Variants in KIRREL1 observed in about 807,000 individuals in gnomAD.
KIRREL1 encodes the protein kirre like nephrin family adhesion molecule 1, also known as kin of IRRE-like protein 1.
In KIRREL1, 25 loss-of-function variants were observed where a neutral mutation model predicts 83.3. The ratio of observed to expected loss-of-function variants is 0.30; its 90% CI spans 0.22 to 0.42. The LOEUF is 0.42. Ranked by LOEUF, KIRREL1 falls within the 10% of genes least tolerant of loss-of-function variation. The pLI, the probability that KIRREL1 is intolerant of heterozygous loss-of-function variation, is 1.00. For synonymous variants in KIRREL1, 388 were observed against 410.4 expected, an observed-to-expected ratio of 0.95 and a Z score of 0.66; for missense variants, 812 against 1,032.3, an observed-to-expected ratio of 0.79 and a Z score of 2.92.
intron 1 of KIRREL1, among the ~76,000 whole-genome samples, chr1:158,064,177 C>T (rs1052992422): frequency 6.6e-6 from 1 of 152,090 alleles, no homozygotes; most frequent in Non-Finnish European, 1.5e-5. Flanking sequence ...GCCATCTATT[C>T]GTCTGGAAAA....
At chr1:158,014,514 C>G (rs1472521154) in intron 1 of KIRREL1, among the ~76,000 whole-genome samples, 1 of 152,092 alleles carries the variant, frequency 6.6e-6, no homozygotes, top group Non-Finnish European at 1.5e-5. Context: ...ACTCCTTCCC[C>G]TCACTCACAA....
At chr1:158,090,182 C>T (rs905584895) in intron 10 of KIRREL1, among the ~76,000 whole-genome samples, 4 of 152,022 alleles carry the variant, frequency 2.6e-5, no homozygotes, top group African/African-American at 9.7e-5. Flanking sequence ...GCTAACACTT[C>T]CCCTCTTTTC....
intron 1 of KIRREL1, among the ~76,000 whole-genome samples, chr1:158,044,647 C>T (rs542852229): frequency 2.0e-5 from 3 of 152,172 alleles, no homozygotes; most frequent in African/African-American, 4.8e-5. Context: ...TACAGGCATG[C>T]GCCACCATGC....
chr1:158,024,783 G>A (rs765852083), intron 1 of KIRREL1, among the ~76,000 whole-genome samples: 1 of 152,132 alleles, frequency 6.6e-6, no homozygotes, highest in African/African-American at 2.4e-5. Flanking sequence ...AGTTCCCCAG[G>A]GTCCACCCTG....
chr1:158,062,700 T>C (rs1486488891), intron 1 of KIRREL1, among the ~76,000 whole-genome samples: 1 of 152,098 alleles, frequency 6.6e-6, no homozygotes. Flanking sequence ...GACACATGTG[T>C]CCCCCCTTGC....
chr1:158,000,779 A>G (rs1659339415), intron 1 of KIRREL1, among the ~76,000 whole-genome samples: 1 of 152,162 alleles, frequency 6.6e-6, no homozygotes, highest in Non-Finnish European at 1.5e-5. Context: ...CCTTGAGCCC[A>G]TTTAACAAAA....
chr1:158,003,204 C>A (rs887307315), intron 1 of KIRREL1, among the ~76,000 whole-genome samples: 1 of 152,012 alleles, frequency 6.6e-6, no homozygotes, highest in South Asian at 2.1e-4. Flanking sequence ...CCATTCGATT[C>A]GCTTAACTGG....
At chr1:158,051,248 G>T (rs1660903851) in intron 1 of KIRREL1, among the ~76,000 whole-genome samples, 1 of 152,138 alleles carries the variant, frequency 6.6e-6, no homozygotes, top group Non-Finnish European at 1.5e-5. Context: ...TGCTTATGCT[G>T]TTCCCTGGAA....
At position 158,099,182 on chromosome 1, in the gene KIRREL1, C is replaced by T. The variant is rs1662429218; in HGVS notation, c.*4062C>T. 2.0e-5 allele frequency: 3 copies of T among 152,208 alleles called. No individual in the cohort carries two copies. Among genetic ancestry groups the T allele is most frequent in the Admixed American group, 6.5e-5 (1 of 15,276 alleles). The allele number at this position is 152,208 out of a possible 1,614,324, so 9.4% of individuals were successfully genotyped here. On this transcript the variant is annotated 3_prime_UTR_variant, in exon 15 of 15. Coordinates refer to ENST00000359209, the MANE Select transcript of KIRREL1 (RefSeq NM_018240.7). ...GCCACTGCTTGGTGCCTCTACAGGC[C>T]ACTGTGCATGTTGAGAATTGCCCAA...
chr1:158,028,041 C>G (rs1660220582), intron 1 of KIRREL1, among the ~76,000 whole-genome samples: 1 of 152,030 alleles, frequency 6.6e-6, no homozygotes. Flanking sequence ...TTCTCATCAC[C>G]TCCCTACACA....
At chr1:158,063,364 A>C (rs1661266673) in intron 1 of KIRREL1, among the ~76,000 whole-genome samples, 1 of 121,748 alleles carries the variant, frequency 8.2e-6, no homozygotes, top group Non-Finnish European at 1.9e-5. Context: ...TTAAGGCTGT[A>C]AGCTCCTGAG....
In KIRREL1 at chr1:158,076,938, G is replaced by A. The variant is rs923991524; in HGVS notation, c.202+676G>A. Among the ~76,000 whole-genome samples, 11 of 152,310 alleles carry A rather than the reference G, an allele frequency of 7.2e-5. No individual in the cohort carries two copies. In the East Asian group the frequency reaches 1.2e-3, roughly 16 times the overall value. On this transcript the variant is annotated intron_variant, in intron 2 of 14. Coordinates refer to ENST00000359209, the MANE Select transcript of KIRREL1 (RefSeq NM_018240.7). ...ACACCTGGGTTCTAGTCCTGCCTCC[G>A]CCAGCTGGGTGACCTTAGGAAAGCC...
At position 158,088,735 on chromosome 1, in the gene KIRREL1, C is replaced by T. The variant is rs182434526; in HGVS notation, c.1044+281C>T. 5.0e-3 allele frequency among the ~76,000 whole-genome samples: 765 copies of T among 152,068 alleles called. 6 individuals are homozygous for T. The highest frequency in any genetic ancestry group is 0.017 in the African/African-American group (719 of 41,444). ...TCCTGACCTCGTGATCCGCCCGCCT[C>T]GGCCTCCCAAAGTGCTGGGATTACA... On this transcript the variant is annotated intron_variant, in intron 8 of 14. Coordinates refer to ENST00000359209, the MANE Select transcript of KIRREL1 (RefSeq NM_018240.7).
intron 1 of KIRREL1, among the ~76,000 whole-genome samples, chr1:158,015,878 T>TC (rs1298341540): frequency 6.6e-6 from 1 of 152,160 alleles, no homozygotes; most frequent in Non-Finnish European, 1.5e-5. Flanking sequence ...ACCATCCCCA[T>TC]CCCAGTGTCT....
rs750878322 is a variant in KIRREL1, at chr1:158,088,311, T to G, written c.917-16T>G. On this transcript the variant is annotated splice_polypyrimidine_tract_variant and intron_variant, in intron 7 of 14. Coordinates refer to ENST00000359209, the MANE Select transcript of KIRREL1 (RefSeq NM_018240.7). ...GAGCTTGAGACCCTAACGAGTGGCT[T>G]CTTTCTCCCTCACAGTTGCTCCCCG... The G allele has an allele frequency of 1.3e-5, 21 of 1,604,068 alleles. No homozygotes were observed. The highest frequency in any genetic ancestry group is 1.6e-5 in the Non-Finnish European group (19 of 1,176,244).
intron 1 of KIRREL1, among the ~76,000 whole-genome samples, chr1:158,003,588 G>A (rs943728019): frequency 5.3e-5 from 8 of 152,000 alleles, no homozygotes; most frequent in African/African-American, 1.2e-4. Context: ...ACACACACTC[G>A]TGGCTGGCTG....
chr1:158,088,387 C>G lies in KIRREL1; in HGVS notation c.977C>G (p.Thr326Ser), dbSNP rs1460843608. 1.9e-6 allele frequency: 3 copies of G among 1,613,960 alleles called. No individual in the cohort carries two copies. The highest frequency in any genetic ancestry group is 1.3e-5 in the African/African-American group (1 of 74,984). Residue 326 changes from threonine (T) to serine (S), a missense_variant, in exon 8 of 15, where the codon ACC becomes AGC. Physicochemically the swap from Thr to Ser is moderately conservative, Grantham distance 58. Coordinates refer to ENST00000359209, the MANE Select transcript of KIRREL1 (RefSeq NM_018240.7). ...ACCACAGACATTGGCTCTGATGTGA[C>G]CCTTACCTGTGTCTGGGTTGGGAAT... Reference protein sequence around the residue: ...PTTTDIGSDVTLTCVWVGNPP... With the variant: ...PTTTDIGSDVSLTCVWVGNPP...
At chr1:158,020,378 C>T (rs554187615) in intron 1 of KIRREL1, among the ~76,000 whole-genome samples, 1 of 152,134 alleles carries the variant, frequency 6.6e-6, no homozygotes, top group South Asian at 2.1e-4. Flanking sequence ...CTTCTCAACT[C>T]CCCCCAAAGA....
At chr1:158,093,524 G>A (rs1211398435) in intron 12 of KIRREL1, 78 bp downstream of exon 12, 6 of 1,601,042 alleles carry the variant, frequency 3.7e-6, no homozygotes, top group African/African-American at 1.3e-5. Flanking sequence ...TGGGGTGGAT[G>A]GGAGGTTGGC....
Sources: allele counts gnomAD v4.1 joint callset (sites outside exome capture counted in the v4.1 genomes callset), GRCh38; gene constraint gnomAD v4.1.1; transcripts MANE v1.5; gene names NCBI Gene and HGNC (gene_info 2026-07-23, HGNC 2026-07-21).